Variants in NIPBL observed in about 807,000 individuals in gnomAD.
NIPBL encodes NIPBL cohesin loading factor.
A neutral mutation model predicts 321.8 loss-of-function variants in NIPBL; 19 were observed. The ratio of observed to expected loss-of-function variants is 0.06; its 90% confidence interval spans 0.04 to 0.09. The LOEUF is 0.09. Among genes scored for constraint, NIPBL ranks in the 10% least tolerant of loss-of-function variants. The pLI is 1.00. For synonymous variants in NIPBL, 1,106 were observed against 1,114.1 expected (o/e 0.99, Z 0.14); for missense variants, 2,210 against 3,327.0 (o/e 0.66, Z 8.26).
At chr5:37,021,016 C>T (rs956442443) in intron 27 of NIPBL, 139 bp downstream of exon 27, 9 of 763,702 alleles carry the variant, frequency 1.2e-5, no homozygotes, top group Admixed American at 5.8e-5. Flanking sequence ...TTAGGTTCTC[C>T]GGCCGGGTGT....
chr5:36,995,600 T>A lies in NIPBL; in HGVS notation c.3122-22T>A, dbSNP rs200636704. 1,566 of 1,554,974 alleles carry A rather than the reference T, an allele frequency of 1.0e-3. 3 individuals carry two copies. Among genetic ancestry groups the A allele is most frequent in the East Asian group, 1.5e-3 (68 of 44,496 alleles). On this transcript the variant is annotated intron_variant, in intron 10 of 46. Coordinates refer to ENST00000282516, the MANE Select transcript of NIPBL (RefSeq NM_133433.4). Reference sequence around the variant, plus strand: ...TATCTTCAGATTTACATTTTTTTTTTAAATTTACCTTTCATTAATAGGTAG... The same window carrying A: ...TATCTTCAGATTTACATTTTTTTTTAAAATTTACCTTTCATTAATAGGTAG...
intron 1 of NIPBL, among the ~76,000 whole-genome samples, chr5:36,947,092 G>T (rs1739771748): frequency 6.6e-6 from 1 of 151,990 alleles, no homozygotes; most frequent in South Asian, 2.1e-4. Flanking sequence ...AATGATTAAG[G>T]AAAGGAATAT....
intron 1 of NIPBL, among the ~76,000 whole-genome samples, chr5:36,923,212 A>G (rs1465302529): frequency 6.6e-6 from 1 of 152,122 alleles, no homozygotes; most frequent in Non-Finnish European, 1.5e-5. Context: ...AGGCTGAGGC[A>G]GGAGAATCGC....
chr5:36,927,044 A>G (rs1224105546), intron 1 of NIPBL, among the ~76,000 whole-genome samples: 3 of 152,228 alleles, frequency 2.0e-5, no homozygotes, highest in Admixed American at 1.3e-4. Context: ...TTAGAACTAT[A>G]AACACTTTTT....
At chr5:36,943,735 A>C (rs751997959) in intron 1 of NIPBL, among the ~76,000 whole-genome samples, 1 of 152,160 alleles carries the variant, frequency 6.6e-6, no homozygotes, top group African/African-American at 2.4e-5. Flanking sequence ...TGAGTTCAAC[A>C]GTAGAGTACG....
At chr5:36,956,451 G>T (rs912701376) in intron 3 of NIPBL, among the ~76,000 whole-genome samples, 22 of 151,832 alleles carry the variant, frequency 1.4e-4, no homozygotes, top group African/African-American at 5.1e-4. Context: ...ATTAGATGCG[G>T]TACATATTTT....
At chr5:36,940,425 G>C (rs1008753505) in intron 1 of NIPBL, among the ~76,000 whole-genome samples, 5 of 152,218 alleles carry the variant, frequency 3.3e-5, no homozygotes, top group Middle Eastern at 3.4e-3. Flanking sequence ...CCCTCATCTT[G>C]TGTCAGTCCT....
At chr5:36,915,903 A>G (rs535738043) in intron 1 of NIPBL, among the ~76,000 whole-genome samples, 50 of 152,334 alleles carry the variant, frequency 3.3e-4, no homozygotes, top group African/African-American at 9.6e-4. Context: ...CTGTTAGCTT[A>G]TAAGTCAGTG....
At chr5:37,053,866 C>T (rs1178895401) in intron 42 of NIPBL, among the ~76,000 whole-genome samples, 1 of 152,168 alleles carries the variant, frequency 6.6e-6, no homozygotes, top group Non-Finnish European at 1.5e-5. Flanking sequence ...TCTGCCCACA[C>T]AGAGCACGCA....
intron 44 of NIPBL, 62 bp downstream of exon 44, chr5:37,059,227 C>T (rs1754408498): frequency 6.3e-7 from 1 of 1,578,754 alleles, no homozygotes; most frequent in African/African-American, 1.3e-5. Flanking sequence ...AATATTTGGG[C>T]TGGGTGTGGT....
rs756076541 is a variant in NIPBL at position 37,024,570 on chromosome 5, CCTTT to C, written c.5575-12_5575-9del. The C allele has an allele frequency of 1.9e-6, 3 of 1,592,258 alleles. No homozygotes were observed. The highest frequency in any genetic ancestry group is 2.6e-6 in the Non-Finnish European group (3 of 1,163,702). On this transcript the variant is annotated splice_polypyrimidine_tract_variant and intron_variant, in intron 29 of 46. Coordinates refer to ENST00000282516, the MANE Select transcript of NIPBL (RefSeq NM_133433.4). ...TCAATTTTTCTGACTCTTAAAAATA[CCTTT>C]CTGTTTTTAGGATACTGGTATCAGT...
At position 36,986,026 on chromosome 5, in the gene NIPBL, G is replaced by C; in HGVS notation, c.2846G>C (p.Arg949Thr). 1 of 1,613,970 alleles carries C rather than the reference G, an allele frequency of 6.2e-7. No individual in the cohort carries two copies. Among genetic ancestry groups the C allele is most frequent in the Non-Finnish European group, 8.5e-7 (1 of 1,179,938 alleles). The part of the protein sequence containing the change: ...AEFPSYLLGG[R>T]SGALKNFVIP... Reference sequence around the variant, plus strand: ...TTTCCAAGTTATTTGTTGGGGGGCAGGTCTGGTGCGTTGAAAAATTTTGTC... The same window carrying C: ...TTTCCAAGTTATTTGTTGGGGGGCACGTCTGGTGCGTTGAAAAATTTTGTC... The change falls in exon 10 of 47, where the codon AGG becomes ACG. Residue 949 changes from arginine to threonine, a missense_variant. By Grantham distance (71) the Arg-to-Thr change is moderately conservative. Transcript: ENST00000282516.
At chr5:37,032,522 C>T (rs1156994834) in intron 32 of NIPBL, among the ~76,000 whole-genome samples, 1 of 151,054 alleles carries the variant, frequency 6.6e-6, no homozygotes, top group Non-Finnish European at 1.5e-5. Flanking sequence ...AGAATCCCAG[C>T]CTCTTAGAAG....
At chr5:36,885,749 C>G (rs762280923) in intron 1 of NIPBL, 3 of 603,296 alleles carry the variant, frequency 5.0e-6, no homozygotes, top group Non-Finnish European at 9.3e-6. Context: ...GAACGACATC[C>G]GTGGGCTCTG....
intron 27 of NIPBL, 49 bp downstream of exon 27, chr5:37,020,926 C>G (rs1749553750): frequency 8.1e-7 from 1 of 1,241,084 alleles, no homozygotes; most frequent in Non-Finnish European, 1.2e-6. Context: ...TTTTCTGATT[C>G]TGGATGCTTG....
rs1051141853 is a variant in NIPBL at position 36,955,919 on chromosome 5, T to A, written c.230+282T>A. Among the ~76,000 whole-genome samples, 10 of 152,024 alleles carry A rather than the reference T, an allele frequency of 6.6e-5. 1 individual carries two copies. The highest frequency in any genetic ancestry group is 5.9e-4 in the Admixed American group (9 of 15,266). On this transcript the variant is annotated intron_variant, in intron 3 of 46. Transcript: ENST00000282516. Reference sequence around the variant, plus strand: ...GGGATCCATCATTTGTGCAGAGATCTGGTCATGAAACTATATCCCTGTCTG... The same window carrying A: ...GGGATCCATCATTTGTGCAGAGATCAGGTCATGAAACTATATCCCTGTCTG...
chr5:36,981,194 T>A (rs1219786977), intron 9 of NIPBL, among the ~76,000 whole-genome samples: 1 of 151,748 alleles, frequency 6.6e-6, no homozygotes, highest in Non-Finnish European at 1.5e-5. Context: ...AGTTGCACTT[T>A]AGGATATGAG....
chr5:37,044,171 C>A (rs1752739673), intron 34 of NIPBL, among the ~76,000 whole-genome samples, 176 bp from the exon 35 acceptor site: 1 of 151,958 alleles, frequency 6.6e-6, no homozygotes, highest in African/African-American at 2.4e-5. Context: ...GGTACATATT[C>A]CTGACATGCT....
At chr5:37,045,353 A>G in intron 36 of NIPBL, 90 bp from the exon 37 acceptor site, 1 of 1,097,728 alleles carries the variant, frequency 9.1e-7, no homozygotes, top group Non-Finnish European at 1.3e-6. Context: ...CTCCATCTCA[A>G]AAAAAAAATT....
Sources: allele counts gnomAD v4.1 joint callset (sites outside exome capture counted in the v4.1 genomes callset), GRCh38; gene constraint gnomAD v4.1.1; transcripts MANE v1.5; gene names NCBI Gene and HGNC (gene_info 2026-07-23, HGNC 2026-07-21).